Variants in PPL observed in about 807,000 individuals in gnomAD.
PPL encodes 190 kDa paraneoplastic pemphigus antigen.
In PPL, 198 loss-of-function variants were observed where a neutral mutation model predicts 194.4. The ratio of observed to expected loss-of-function variants is 1.02; its 90% CI spans 0.91 to 1.15. PPL has a LOEUF of 1.15. Among genes scored for constraint, PPL ranks in the 50% most tolerant of loss-of-function variants. PPL has a pLI of 0.00. For synonymous variants in PPL, 1,220 were observed against 972.4 expected (o/e 1.25, Z -4.74); for missense variants, 2,885 against 2,294.8 (o/e 1.26, Z -5.25).
At chr16:4,906,433 G>C (rs2088684126) in intron 2 of PPL, among the ~76,000 whole-genome samples, 1 of 152,068 alleles carries the variant, frequency 6.6e-6, no homozygotes, top group African/African-American at 2.4e-5. Flanking sequence ...CACCGTGTTA[G>C]CCAGGATGGT....
At position 4,903,963 on chromosome 16, in the gene PPL, C is replaced by T. The variant is rs368126836; in HGVS notation, c.240G>A (p.Lys80=). Residue 80 remains lysine, a synonymous_variant, in exon 3 of 22, where the codon AAG becomes AAA. Transcript: ENST00000345988. ...VTLQKVLDSE[K]LLYVLEADAA... ...CATCCGCCTCTAGCACATAGAGCAG[C>T]TTCTCAGAGTCCAACACCTTCTGCA... 1.9e-4 allele frequency: 306 copies of T among 1,613,914 alleles called. 1 individual carries two copies. The highest frequency in any genetic ancestry group is 2.5e-4 in the Non-Finnish European group (299 of 1,180,046).
intron 1 of PPL, among the ~76,000 whole-genome samples, chr16:4,931,412 G>T (rs1339137554): frequency 6.6e-6 from 1 of 152,120 alleles, no homozygotes; most frequent in African/African-American, 2.4e-5. Context: ...GGGTAGGGAA[G>T]GGCAGGGCTG....
intron 1 of PPL, among the ~76,000 whole-genome samples, chr16:4,914,184 G>C (rs919973244): frequency 6.6e-6 from 1 of 152,218 alleles, no homozygotes; most frequent in Non-Finnish European, 1.5e-5. Flanking sequence ...GGCCAGGGCG[G>C]GGTTCTTGAC....
chr16:4,898,211 C>G (rs753648257), intron 8 of PPL, among the ~76,000 whole-genome samples: 5 of 152,170 alleles, frequency 3.3e-5, no homozygotes, highest in Non-Finnish European at 7.3e-5. Flanking sequence ...GACCCTGTCT[C>G]TACTAAAAAT....
intron 1 of PPL, among the ~76,000 whole-genome samples, chr16:4,925,475 G>C (rs2089139551): frequency 6.6e-6 from 1 of 152,194 alleles, no homozygotes; most frequent in African/African-American, 2.4e-5. Flanking sequence ...CTAGGAAGTA[G>C]CCACCCTTAG....
intron 18 of PPL, among the ~76,000 whole-genome samples, chr16:4,889,578 C>T (rs947688530): frequency 6.6e-6 from 1 of 152,074 alleles, no homozygotes; most frequent in African/African-American, 2.4e-5. Context: ...TTCTAAGGCT[C>T]TGTGAAGAAG....
intron 1 of PPL, among the ~76,000 whole-genome samples, chr16:4,912,747 G>C (rs2088842394): frequency 6.6e-6 from 1 of 152,264 alleles, no homozygotes; most frequent in Non-Finnish European, 1.5e-5. Context: ...TTACAAGTCA[G>C]GAGGTGTGAC....
At chr16:4,933,329 A>T (rs2089249811) in intron 1 of PPL, among the ~76,000 whole-genome samples, 1 of 152,142 alleles carries the variant, frequency 6.6e-6, no homozygotes, top group East Asian at 1.9e-4. Context: ...AGACCCGTCT[A>T]GGCAAGGCCA....
Position 4,885,719 on chromosome 16 carries a change from C to T in PPL, c.2936G>A (p.Arg979His), listed in dbSNP as rs201057595. 3.4e-5 allele frequency: 55 copies of T among 1,613,328 alleles called. 1 individual carries two copies. The highest frequency in any genetic ancestry group is 3.2e-4 in the South Asian group (29 of 91,058). Reference protein sequence around the residue: ...EELEALQLQLRALEQETRDGG... With the variant: ...EELEALQLQLHALEQETRDGG... ...GTCTCTGGTCTCCTGCTCCAGGGCA[C>T]GCAGCTGCAGCTGCAGTGCCTCCAG... The change falls in exon 22 of 22, where the codon CGT (arginine) becomes CAT (histidine). Residue 979 changes from arginine (R) to histidine (H), a missense_variant. Coordinates refer to ENST00000345988, the MANE Select transcript of PPL (RefSeq NM_002705.5). This position sits in a 1 kb window ranked among gnomAD's most constrained non-coding sequence, Gnocchi z 6.3.
intron 1 of PPL, among the ~76,000 whole-genome samples, chr16:4,922,413 G>A (rs1263352293): frequency 2.0e-5 from 3 of 152,202 alleles, no homozygotes; most frequent in Non-Finnish European, 1.5e-5. Context: ...TGTAATCCCA[G>A]CACTTTGGGA....
At position 4,889,241 on chromosome 16, in the gene PPL, G is replaced by GGTTTTTTTTTTTTTTTTTTTTTTT. The variant is rs1442783436; in HGVS notation, c.2314-181_2314-180insAAAAAAAAAAAAAAAAAAAAAAAC. On this transcript the variant is annotated intron_variant, in intron 18 of 21. Coordinates refer to ENST00000345988, the MANE Select transcript of PPL (RefSeq NM_002705.5). ...AAAAGGCAGTTTTTTTGTTGTTGTT[G>GGTTTTTTTTTTTTTTTTTTTTTTT]TTTTTTTTTTTTTTTTTTTTTTTTT... 2.7e-4 allele frequency among the ~76,000 whole-genome samples: 18 copies of GGTTTTTTTTTTTTTTTTTTTTTTT among 66,628 alleles called. 1 individual carries two copies. Among genetic ancestry groups the GGTTTTTTTTTTTTTTTTTTTTTTT allele is most frequent in the South Asian group, 1.8e-3 (3 of 1,684 alleles). 43.7% of individuals were successfully genotyped at this position (66,628 alleles called of 152,430 possible).
chr16:4,927,909 C>T lies in PPL; in HGVS notation c.62+9075G>A, dbSNP rs377125079. Among the ~76,000 whole-genome samples the T allele has an allele frequency of 9.9e-5, 15 of 152,280 alleles. No homozygotes were observed. The East Asian group carries it at 2.3e-3, about 23-fold the overall frequency. On this transcript the variant is annotated intron_variant, in intron 1 of 21. Transcript: ENST00000345988. ...ACCAAGGCAGGTCTTGAAGACAGGG[C>T]AACACAGCAAGACCCTATTTCTACC...
intron 8 of PPL, among the ~76,000 whole-genome samples, chr16:4,898,676 C>T (rs1172908621): frequency 6.6e-6 from 1 of 152,190 alleles, no homozygotes; most frequent in Non-Finnish European, 1.5e-5. Flanking sequence ...GGCCCTAAGA[C>T]ACCTTGATTT....
chr16:4,899,366 GC>G lies in PPL; in HGVS notation c.624del (p.Gln209SerfsTer4), dbSNP rs1164020536. ...YQKLLAASQARQQHLSSLQDY... is the reference protein window; with the variant it reads ...YQKLLAASQAXQQHLSSLQDY... Reference sequence around the variant, plus strand: ...TCCTGCAGCGAACTCAGGTGCTGCTGCCGGGCCTGTGATGCTGCCTGAAGGG... The same window carrying G: ...TCCTGCAGCGAACTCAGGTGCTGCTGCGGGCCTGTGATGCTGCCTGAAGGG... On this transcript the variant is annotated frameshift_variant, in exon 7 of 22. Transcript: ENST00000345988. LOFTEE classifies it high-confidence loss of function. 1 of 1,608,680 alleles carries G rather than the reference GC, an allele frequency of 6.2e-7. No individual in the cohort carries two copies. Among genetic ancestry groups the G allele is most frequent in the African/African-American group, 1.3e-5 (1 of 74,852 alleles).
At chr16:4,892,458 G>C (rs540059217) in intron 14 of PPL, among the ~76,000 whole-genome samples, 2 of 152,214 alleles carry the variant, frequency 1.3e-5, no homozygotes, top group African/African-American at 4.8e-5. Flanking sequence ...GGCAGCTGCC[G>C]GGCCTGTGCT....
chr16:4,909,696 G>A (rs1349086480), intron 2 of PPL, among the ~76,000 whole-genome samples: 1 of 152,084 alleles, frequency 6.6e-6, no homozygotes, highest in African/African-American at 2.4e-5. Context: ...CAAAGTACTG[G>A]GATTACGGCC....
chr16:4,895,115 G>C (rs2088397742), intron 11 of PPL, 146 bp downstream of exon 11: 1 of 1,070,716 alleles, frequency 9.3e-7, no homozygotes, highest in African/African-American at 1.6e-5. Flanking sequence ...GTGCCAGTTG[G>C]CCTGCACCAG....
chr16:4,893,720 G>A (rs556125251), intron 12 of PPL, 82 bp from the exon 13 acceptor site: 92 of 1,205,378 alleles, frequency 7.6e-5, no homozygotes, highest in Non-Finnish European at 2.9e-5. Flanking sequence ...GACTCTGGCT[G>A]GGCAGACACC....
intron 1 of PPL, among the ~76,000 whole-genome samples, chr16:4,931,510 A>T (rs1196382913): frequency 6.6e-6 from 1 of 152,218 alleles, no homozygotes; most frequent in African/African-American, 2.4e-5. Flanking sequence ...ACAGCAACCC[A>T]TCAGAAGCCG....
Sources: gnomAD v4.1 joint callset for allele counts (sites outside exome capture counted in the v4.1 genomes callset) on GRCh38, gnomAD v4.1.1 for gene constraint, Gnocchi (gnomAD v3.1) non-coding constraint, MANE v1.5 for transcripts, NCBI Gene and HGNC (gene_info 2026-07-23, HGNC 2026-07-21) for gene names.